Variants in CBL observed in about 807,000 individuals in gnomAD.
CBL encodes E3 ubiquitin-protein ligase CBL.
In CBL, 45 loss-of-function variants were observed where a neutral mutation model predicts 96.9. The ratio of observed to expected loss-of-function variants is 0.46; its 90% CI spans 0.37 to 0.60. CBL has a LOEUF of 0.60. Ranked by LOEUF, CBL falls within the 20% of genes least tolerant of loss-of-function variation. The pLI is 0.00. For missense variants in CBL, 1,024 were observed against 1,143.5 expected (o/e 0.90, Z 1.51); for synonymous variants, 420 against 426.8 (o/e 0.98, Z 0.20).
intron 2 of CBL, among the ~76,000 whole-genome samples, chr11:119,251,078 G>T (rs982280867): frequency 5.3e-5 from 8 of 152,096 alleles, no homozygotes; most frequent in African/African-American, 1.2e-4. Flanking sequence ...TTAATTTGGG[G>T]TACTTCCAAA....
rs1324584445 is a variant in CBL, at chr11:119,307,983, A to C, written c.*8202A>C. 5.2e-6 allele frequency: 1 copy of C among 193,382 alleles called. No homozygotes were observed. Among genetic ancestry groups the C allele is most frequent in the African/African-American group, 2.3e-5 (1 of 43,184 alleles). 12.0% of individuals were successfully genotyped at this position (193,382 alleles called of 1,614,324 possible). On this transcript the variant is annotated 3_prime_UTR_variant, in exon 16 of 16. Transcript: ENST00000264033. The stretch of plus-strand genomic sequence containing the variant: ...AGCTTTAAGATTCATTTTCATTTTA[A>C]GTCCATTTTATTTTGCCAGTGTATT...
chr11:119,299,330 T>C (rs953580554), intron 15 of CBL, among the ~76,000 whole-genome samples, 165 bp from the exon 16 acceptor site: 5 of 152,206 alleles, frequency 3.3e-5, no homozygotes, highest in African/African-American at 1.2e-4. Context: ...GAGGAGGCTA[T>C]ATCTTAAAAC....
At chr11:119,213,920 T>G (rs1949337504) in intron 1 of CBL, among the ~76,000 whole-genome samples, 1 of 151,714 alleles carries the variant, frequency 6.6e-6, no homozygotes, top group Non-Finnish European at 1.5e-5. Context: ...GGAAAAGGTA[T>G]GGAGGGGGGC....
At chr11:119,251,231 T>C (rs1949667706) in intron 2 of CBL, among the ~76,000 whole-genome samples, 1 of 152,264 alleles carries the variant, frequency 6.6e-6, no homozygotes, top group African/African-American at 2.4e-5. Flanking sequence ...GTATTCATTG[T>C]GGAGCTAAAT....
chr11:119,285,651 T>C lies in CBL; in HGVS notation c.1941+85T>C, dbSNP rs1039719556. ...TGGCTCATGTCTGTAATCCCAGCAA[T>C]TTGGGAGGCCAAGGTGGGTGGATCG... is the stretch of plus-strand genomic sequence containing the variant. On this transcript the variant is annotated intron_variant, in intron 11 of 15. Coordinates refer to ENST00000264033, the MANE Select transcript of CBL (RefSeq NM_005188.4). The C allele has an allele frequency of 6.8e-6, 10 of 1,480,794 alleles. No homozygotes were observed. In the African/African-American group the frequency reaches 1.4e-4, roughly 20 times the overall value. The allele number at this position is 1,480,794 out of a possible 1,614,324, so 91.7% of individuals were successfully genotyped here.
At position 119,298,255 on chromosome 11, in the gene CBL, A is replaced by G. The variant is rs1950076802; in HGVS notation, c.2252-103A>G. 3 of 996,892 alleles carry G rather than the reference A, an allele frequency of 3.0e-6. No individual in the cohort carries two copies. The South Asian group carries it at 3.9e-5, about 13-fold the overall frequency. 61.8% of individuals were successfully genotyped at this position (996,892 alleles called of 1,614,324 possible). A position where few individuals can be genotyped will look rare whatever the true frequency, so the allele number is the denominator to read the frequency against. On this transcript the variant is annotated intron_variant, in intron 14 of 15. Transcript: ENST00000264033. ...AGACAATCAGTAACTGTTGAATGAG[A>G]TAAATGATTGCATACATGTAAAAAT... is the stretch of plus-strand genomic sequence containing the variant.
intron 2 of CBL, among the ~76,000 whole-genome samples, chr11:119,253,323 A>G (rs1270922466): frequency 6.6e-6 from 1 of 151,648 alleles, no homozygotes; most frequent in Non-Finnish European, 1.5e-5. Flanking sequence ...GTATTTGATT[A>G]AAAGAAAATT....
intron 1 of CBL, among the ~76,000 whole-genome samples, chr11:119,219,626 C>T (rs1014261467): frequency 6.6e-6 from 1 of 151,298 alleles, no homozygotes; most frequent in African/African-American, 2.4e-5. Context: ...CTAGTTCATA[C>T]TAAGTATTTG....
chr11:119,266,747 GT>G (rs1313989713), intron 2 of CBL, among the ~76,000 whole-genome samples: 3 of 152,188 alleles, frequency 2.0e-5, no homozygotes, highest in Non-Finnish European at 4.4e-5. Context: ...GATTTGGATG[GT>G]TAGAGCTGAA....
chr11:119,255,380 G>A (rs1949704027), intron 2 of CBL, among the ~76,000 whole-genome samples: 1 of 152,096 alleles, frequency 6.6e-6, no homozygotes, highest in African/African-American at 2.4e-5. Context: ...CTTGGACTAA[G>A]GTAACAACTC....
rs980874870 is a variant in CBL at position 119,243,399 on chromosome 11, G to A, written c.443+10704G>A. On this transcript the variant is annotated intron_variant, in intron 2 of 15. Coordinates refer to ENST00000264033, the MANE Select transcript of CBL (RefSeq NM_005188.4). The stretch of plus-strand genomic sequence containing the variant: ...CAGGCTGGTCTCAAGTGATATGCCC[G>A]CTTCACCCTCCCAAAGTGCTGGGAT... 3.3e-5 allele frequency among the ~76,000 whole-genome samples: 5 copies of A among 151,470 alleles called. No homozygotes were observed. The South Asian group carries it at 6.3e-4, about 19-fold the overall frequency.
chr11:119,215,930 G>A (rs777674593), intron 1 of CBL, among the ~76,000 whole-genome samples: 3 of 152,234 alleles, frequency 2.0e-5, no homozygotes, highest in Non-Finnish European at 1.5e-5. Context: ...ATAGGTAGGA[G>A]TAGGCACCTG....
intron 2 of CBL, among the ~76,000 whole-genome samples, chr11:119,233,984 T>TTTTC (rs376599280): frequency 4.4e-4 from 67 of 152,212 alleles, no homozygotes; most frequent in African/African-American, 1.4e-3. Context: ...AATGTCCATC[T>TTTTC]TTTCTTTCTT....
In CBL at chr11:119,304,334, A is replaced by T. The variant is rs1470030993; in HGVS notation, c.*4553A>T. 4.3e-6 allele frequency: 1 copy of T among 233,186 alleles called. No individual in the cohort carries two copies. Among genetic ancestry groups the T allele is most frequent in the Non-Finnish European group, 8.5e-6 (1 of 118,064 alleles). The allele number at this position is 233,186 out of a possible 1,614,324, so 14.4% of individuals were successfully genotyped here. Reference sequence around the variant, plus strand: ...TGGATAGTGAAGGACGGTCAAGGTTATATTTTTGACTGCTTAGGGATTCTT... The same window carrying T: ...TGGATAGTGAAGGACGGTCAAGGTTTTATTTTTGACTGCTTAGGGATTCTT... On this transcript the variant is annotated 3_prime_UTR_variant, in exon 16 of 16. Transcript: ENST00000264033.
intron 9 of CBL, among the ~76,000 whole-genome samples, chr11:119,283,685 T>G (rs1022022905): frequency 7.7e-6 from 1 of 130,234 alleles, no homozygotes; most frequent in Non-Finnish European, 1.6e-5. Flanking sequence ...TTGCCCAGGC[T>G]GGAGTGCAGT....
chr11:119,216,941 C>T (rs7925499), intron 1 of CBL, among the ~76,000 whole-genome samples: 43,189 of 151,926 alleles, frequency 0.28, 6,541 homozygotes, highest in South Asian at 0.58. Context: ...TTAAGCAAGT[C>T]GTTGACTTTT....
At chr11:119,236,595 GTATATATATATATATATATA>G (rs71048051) in intron 2 of CBL, among the ~76,000 whole-genome samples, 3 of 137,746 alleles carry the variant, frequency 2.2e-5, no homozygotes, top group African/African-American at 5.4e-5. Context: ...CTTCTTTTGA[GTATATATATATATATATATA>G]TATATATACC....
At chr11:119,224,567 C>G (rs1346913831) in intron 1 of CBL, among the ~76,000 whole-genome samples, 1 of 152,010 alleles carries the variant, frequency 6.6e-6, no homozygotes, top group Non-Finnish European at 1.5e-5. Context: ...ATAAAGTAAG[C>G]CAGATTAAAG....
intron 1 of CBL, among the ~76,000 whole-genome samples, chr11:119,225,724 C>CTTTTTTT (rs57084908): frequency 8.8e-5 from 9 of 102,462 alleles, no homozygotes; most frequent in Admixed American, 1.3e-4. Flanking sequence ...TAAATATTTT[C>CTTTTTTT]TTTTTTTTTT....
Sources: gnomAD v4.1 joint callset for allele counts (sites outside exome capture counted in the v4.1 genomes callset) on GRCh38, gnomAD v4.1.1 for gene constraint, MANE v1.5 for transcripts, NCBI Gene and HGNC (gene_info 2026-07-23, HGNC 2026-07-21) for gene names.